Variants in CCNY observed in about 807,000 individuals in gnomAD.
CCNY encodes the protein cyclin Y.
A neutral mutation model predicts 42.8 loss-of-function variants in CCNY; 19 were observed. That is an observed-to-expected ratio of 0.44 (90% CI 0.31 to 0.65). The LOEUF is 0.65. Among genes scored for constraint, CCNY ranks in the 30% least tolerant of loss-of-function variants. The pLI, the probability that CCNY is intolerant of heterozygous loss-of-function variation, is 0.07. For missense variants in CCNY, 370 were observed against 437.3 expected (o/e 0.85, Z 1.37); for synonymous variants, 165 against 162.7 (o/e 1.01, Z -0.11).
Position 35,307,818 on chromosome 10 carries a change from A to ATT in CCNY, c.-9+57206_-9+57207dup, listed in dbSNP as rs1241404700. ...TGTGTGTGTATATATATATATATAT[A>ATT]TTTTTTTTTTTTTTTCTGAGATGGA... On this transcript the variant is annotated intron_variant, in intron 3 of 11. Coordinates refer to the CCNY transcript ENST00000374706. Among the ~76,000 whole-genome samples, 447 of 96,142 alleles carry ATT rather than the reference A, an allele frequency of 4.6e-3. 24 individuals are homozygous for ATT. Among genetic ancestry groups the ATT allele is most frequent in the African/African-American group, 0.015 (369 of 24,508 alleles). The allele number at this position is 96,142 out of a possible 152,430, so 63.1% of individuals were successfully genotyped here.
intron 1 of CCNY, among the ~76,000 whole-genome samples, chr10:35,342,633 A>G (rs1836207396): frequency 6.6e-6 from 1 of 152,294 alleles, no homozygotes; most frequent in East Asian, 1.9e-4. Flanking sequence ...CAGATCATGG[A>G]TGATGGTAGT....
chr10:35,347,497 G>A, intron 1 of CCNY: 1 of 869,682 alleles, frequency 1.1e-6, no homozygotes, highest in Non-Finnish European at 1.4e-6. Flanking sequence ...TCAAAACTGT[G>A]AGTGCAGTGC....
At chr10:35,309,031 G>C (rs1470804793) in intron 3 of CCNY, among the ~76,000 whole-genome samples, 1 of 152,124 alleles carries the variant, frequency 6.6e-6, no homozygotes, top group Non-Finnish European at 1.5e-5. Flanking sequence ...TTAAGCTTAG[G>C]GGAATGTGTG....
At chr10:35,391,832 C>T (rs533141065) in intron 1 of CCNY, among the ~76,000 whole-genome samples, 5 of 152,226 alleles carry the variant, frequency 3.3e-5, no homozygotes, top group African/African-American at 1.2e-4. Flanking sequence ...TATCCCCCTC[C>T]TACTCCCCGC....
chr10:35,536,581 A>G (rs1840891450), intron 7 of CCNY, among the ~76,000 whole-genome samples: 1 of 152,178 alleles, frequency 6.6e-6, no homozygotes, highest in Non-Finnish European at 1.5e-5. Flanking sequence ...GATATGGACA[A>G]TAAGGTTCAG....
chr10:35,382,486 A>C (rs1418658213), intron 1 of CCNY, among the ~76,000 whole-genome samples: 1 of 152,206 alleles, frequency 6.6e-6, no homozygotes, highest in African/African-American at 2.4e-5. Context: ...CACTTAGAAC[A>C]GTGCTTCTCC....
At chr10:35,429,374 G>T (rs1838336044) in intron 1 of CCNY, among the ~76,000 whole-genome samples, 1 of 152,094 alleles carries the variant, frequency 6.6e-6, no homozygotes, top group Non-Finnish European at 1.5e-5. Context: ...AATGAATAAA[G>T]AAATATCATT....
intron 1 of CCNY, among the ~76,000 whole-genome samples, chr10:35,458,865 C>T (rs1182509510): frequency 1.3e-5 from 2 of 152,158 alleles, no homozygotes; most frequent in African/African-American, 4.8e-5. Flanking sequence ...CTCCTCTTTG[C>T]ATTCACTTCT....
intron 4 of CCNY, among the ~76,000 whole-genome samples, chr10:35,517,224 T>C (rs141711947): frequency 5.9e-5 from 9 of 151,664 alleles, no homozygotes; most frequent in African/African-American, 2.2e-4. Context: ...GAAGGGGGAG[T>C]CTTGGGATAA....
intron 1 of CCNY, among the ~76,000 whole-genome samples, chr10:35,384,629 C>T (rs190433806): frequency 6.6e-5 from 10 of 152,002 alleles, no homozygotes; most frequent in Non-Finnish European, 1.0e-4. Flanking sequence ...AGTGGAGGGG[C>T]GGGGTGGGTA....
chr10:35,408,903 C>T (rs1305938826), intron 1 of CCNY, among the ~76,000 whole-genome samples: 5 of 151,456 alleles, frequency 3.3e-5, no homozygotes, highest in Middle Eastern at 3.4e-3. Flanking sequence ...TCATAAATGC[C>T]TCTACTTTGT....
intron 1 of CCNY, among the ~76,000 whole-genome samples, chr10:35,354,930 TA>T (rs1351960476): frequency 2.0e-5 from 3 of 152,222 alleles, no homozygotes; most frequent in African/African-American, 7.2e-5. Context: ...TTTTAATCTT[TA>T]TTCTTTATAA....
In CCNY at chr10:35,304,308, T is replaced by TA. The variant is rs1835579072; in HGVS notation, c.-9+53682_-9+53683insA. Among the ~76,000 whole-genome samples, 6 of 108,460 alleles carry TA rather than the reference T, an allele frequency of 5.5e-5. 3 individuals carry two copies. Among genetic ancestry groups the TA allele is most frequent in the African/African-American group, 2.8e-4 (6 of 21,414 alleles). The allele number at this position is 108,460 out of a possible 152,430, so 71.2% of individuals were successfully genotyped here. A position where few individuals can be genotyped will look rare whatever the true frequency, so the allele number is the denominator to read the frequency against. On this transcript the variant is annotated intron_variant, in intron 3 of 11. Coordinates refer to the CCNY transcript ENST00000374706. ...TTTCTCCTTTTATTTTTTTTTTTTT[T>TA]TTATTTTTTATTTTTTTTTGAGACG...
rs114886413 is a variant in CCNY at position 35,567,623 on chromosome 10, G to A, written c.910-1431G>A. ...TGTCACTCAGTGCAGAGTTGGTGTG[G>A]CATCATGATGGCTTGGCCACACGGT... is the stretch of plus-strand genomic sequence containing the variant. On this transcript the variant is annotated intron_variant, in intron 9 of 9. Coordinates refer to ENST00000374704, the MANE Select transcript of CCNY (RefSeq NM_145012.6). 3.0e-3 allele frequency among the ~76,000 whole-genome samples: 454 copies of A among 152,342 alleles called. 1 individual carries two copies. Among genetic ancestry groups the A allele is most frequent in the African/African-American group, 0.01 (429 of 41,574 alleles).
At chr10:35,388,437 G>T (rs1311060946) in intron 1 of CCNY, among the ~76,000 whole-genome samples, 1 of 152,172 alleles carries the variant, frequency 6.6e-6, no homozygotes, top group Admixed American at 6.5e-5. Context: ...CTGTTGACTG[G>T]TGAGTCTATG....
chr10:35,391,519 C>A (rs1212777784), intron 1 of CCNY, among the ~76,000 whole-genome samples: 1 of 152,082 alleles, frequency 6.6e-6, no homozygotes, highest in African/African-American at 2.4e-5. Flanking sequence ...AACCTAGAAG[C>A]AAGTGGGCGA....
chr10:35,326,106 C>T (rs1835877478), intron 3 of CCNY, among the ~76,000 whole-genome samples: 1 of 151,892 alleles, frequency 6.6e-6, no homozygotes, highest in African/African-American at 2.4e-5. Context: ...TACTGAGATA[C>T]AGTTTACATA....
chr10:35,306,634 C>A (rs1183420254), intron 3 of CCNY, among the ~76,000 whole-genome samples: 1 of 152,094 alleles, frequency 6.6e-6, no homozygotes, highest in Admixed American at 6.6e-5. Context: ...TTCTGGTACT[C>A]CCCGGTCTGT....
intron 3 of CCNY, among the ~76,000 whole-genome samples, chr10:35,506,300 T>C (rs1419073692): frequency 6.6e-6 from 1 of 152,254 alleles, no homozygotes; most frequent in Non-Finnish European, 1.5e-5. Flanking sequence ...TTCATGTGAC[T>C]AAAGGAACCT....
Sources: allele counts gnomAD v4.1 joint callset (sites outside exome capture counted in the v4.1 genomes callset), GRCh38; gene constraint gnomAD v4.1.1; transcripts MANE v1.5; gene names NCBI Gene and HGNC (gene_info 2026-07-23, HGNC 2026-07-21).